The following SYBU variants were observed in gnomAD, a reference collection of about 807,000 sequenced individuals.
SYBU encodes GOLSYN A protein.
Under a neutral mutation model 35.9 loss-of-function variants are expected in SYBU, and 21 were observed. That is an observed-to-expected ratio of 0.58 (90% confidence interval 0.41 to 0.84). The LOEUF (loss-of-function observed/expected upper bound fraction) is 0.84, where lower values mean the gene tolerates loss of function less well. Among genes scored for constraint, SYBU ranks in the 40% least tolerant of loss-of-function variants. The pLI is 0.00. For synonymous variants in SYBU, 319 were observed against 324.3 expected (o/e 0.98, Z 0.18); for missense variants, 768 against 848.2 (o/e 0.91, Z 1.17).
In SYBU at chr8:109,616,028, T is replaced by G. The variant is rs1234953864; in HGVS notation, c.427+2814A>C. On this transcript the variant is annotated intron_variant, in intron 3 of 6. Transcript: ENST00000276646. ...TTTCTTTTTTTTTTTTTTTTTTTTTTTGAGACAGAGTCTCGCTCTGTCACC... is the reference window on the plus strand; with the variant it reads ...TTTCTTTTTTTTTTTTTTTTTTTTTGTGAGACAGAGTCTCGCTCTGTCACC... Among the ~76,000 whole-genome samples, 27 of 115,944 alleles carry G rather than the reference T, an allele frequency of 2.3e-4. No homozygotes were observed. The East Asian group carries it at 6.8e-3, about 29-fold the overall frequency. 76.1% of individuals were successfully genotyped at this position (115,944 alleles called of 152,430 possible).
chr8:109,639,703 T>TA (rs750444264), intron 2 of SYBU, among the ~76,000 whole-genome samples: 39 of 152,358 alleles, frequency 2.6e-4, no homozygotes, highest in Non-Finnish European at 5.0e-4. Flanking sequence ...TTCTCTGACT[T>TA]AACTGCCGTG....
intron 3 of SYBU, among the ~76,000 whole-genome samples, chr8:109,587,696 C>T (rs1366678559): frequency 1.3e-5 from 2 of 152,124 alleles, no homozygotes; most frequent in Non-Finnish European, 2.9e-5. Context: ...AAATCCTTTC[C>T]CTGGTTTCCA....
intron 1 of SYBU, among the ~76,000 whole-genome samples, chr8:109,686,754 A>G (rs879455936): frequency 6.6e-6 from 1 of 152,216 alleles, no homozygotes; most frequent in Admixed American, 6.5e-5. Context: ...TTGGGTCACC[A>G]AAGGTTCACA....
intron 1 of SYBU, among the ~76,000 whole-genome samples, chr8:109,680,023 G>A (rs1817343853): frequency 6.6e-6 from 1 of 152,190 alleles, no homozygotes; most frequent in Non-Finnish European, 1.5e-5. Context: ...GAGCAGATAT[G>A]GCACTTCAAC....
chr8:109,574,946 A>G lies in SYBU; in HGVS notation c.1952T>C (p.Leu651Pro). The G allele has an allele frequency of 6.6e-7, 1 of 1,518,060 alleles. No homozygotes were observed. Among genetic ancestry groups the G allele is most frequent in the South Asian group, 1.3e-5 (1 of 75,248 alleles). 94.0% of individuals were successfully genotyped at this position (1,518,060 alleles called of 1,614,324 possible). Residue 651 changes from leucine (L) to proline (P), a missense_variant, in exon 7 of 7, where the codon CTG becomes CCG. Physicochemically the swap from Leu to Pro is moderately conservative, Grantham distance 98 (BLOSUM62 -3). Transcript: ENST00000276646. The stretch of plus-strand genomic sequence containing the variant: ...GAAGGCGGTGCGGCGGAGCGAATGC[A>G]GGGCAACCACGCAACAGCCCCTGAG... The part of the protein sequence containing the change: ...ALLRGCCVVA[L>P]HSLRRTAFRI...
At chr8:109,640,835 AAAAGT>A (rs1814788990) in intron 2 of SYBU, among the ~76,000 whole-genome samples, 1 of 151,798 alleles carries the variant, frequency 6.6e-6, no homozygotes, top group Non-Finnish European at 1.5e-5. Flanking sequence ...AAAAAAAAAA[AAAAGT>A]AGGCAGTGCA....
intron 3 of SYBU, among the ~76,000 whole-genome samples, chr8:109,589,332 C>T (rs942274248): frequency 6.6e-6 from 1 of 152,206 alleles, no homozygotes; most frequent in African/African-American, 2.4e-5. Context: ...AAAGATGATA[C>T]TCATAGCACC....
upstream of SYBU, chr8:109,648,561 T>C (rs534934819): frequency 3.7e-4 from 57 of 152,172 alleles, no homozygotes; most frequent in African/African-American, 1.3e-3. Context: ...TTTTTATTAA[T>C]AGGAATCCCC....
Position 109,575,765 on chromosome 8 carries a change from A to T in SYBU, c.1133T>A (p.Met378Lys), listed in dbSNP as rs1822208924. ...KLESLLQSMEMAHSGSLRDEL... is the reference protein window; with the variant it reads ...KLESLLQSMEKAHSGSLRDEL... ...GTCCCTCAGAGAGCCACTGTGTGCC[A>T]TCTCCATGCTCTGAAGGAGAGACTC... Residue 378 changes from methionine (M) to lysine (K), a missense_variant, in exon 7 of 7, where the codon ATG (methionine) becomes AAG (lysine). Physicochemically the swap from Met to Lys is moderately conservative, Grantham distance 95. Coordinates refer to ENST00000276646, the MANE Select transcript of SYBU (RefSeq NM_001099754.2). 4 of 1,614,060 alleles carry T rather than the reference A, an allele frequency of 2.5e-6. No homozygotes were observed. Among genetic ancestry groups the T allele is most frequent in the Non-Finnish European group, 3.4e-6 (4 of 1,180,040 alleles).
Position 109,575,456 on chromosome 8 carries a change from C to A in SYBU, c.1442G>T (p.Ser481Ile), listed in dbSNP as rs774642862. Reference protein sequence around the residue: ...LPIVMGQEEGSVVVERAVQTD... With the variant: ...LPIVMGQEEGIVVVERAVQTD... ...CTGAACGGCTCGCTCCACCACCACA[C>A]TGCCCTCCTCCTGACCCATGACTAT... The change falls in exon 7 of 7, where the codon AGT (serine) becomes ATT (isoleucine). Residue 481 changes from serine to isoleucine, a missense_variant. Physicochemically the swap from Ser to Ile is moderately radical, Grantham distance 142 (BLOSUM62 -2). Transcript: ENST00000276646. 6.2e-7 allele frequency: 1 copy of A among 1,614,166 alleles called. No homozygotes were observed. The highest frequency in any genetic ancestry group is 8.5e-7 in the Non-Finnish European group (1 of 1,180,046).
chr8:109,578,150 A>C, intron 5 of SYBU, 133 bp from the exon 6 acceptor site: 4 of 1,002,650 alleles, frequency 4.0e-6, no homozygotes, highest in Non-Finnish European at 5.8e-6. Flanking sequence ...TTACCCCAAT[A>C]TGACGGTATT....
intron 4 of SYBU, among the ~76,000 whole-genome samples, chr8:109,583,425 T>A (rs1823260801): frequency 6.6e-6 from 1 of 152,226 alleles, no homozygotes; most frequent in Non-Finnish European, 1.5e-5. Context: ...GAAAGATAAT[T>A]CCTTAGAAAT....
intron 1 of SYBU, among the ~76,000 whole-genome samples, chr8:109,665,512 T>G (rs1290553537): frequency 1.3e-5 from 2 of 152,242 alleles, no homozygotes; most frequent in Non-Finnish European, 2.9e-5. Context: ...GTTTCTGAAA[T>G]TTATGTTTCC....
intron 3 of SYBU, among the ~76,000 whole-genome samples, chr8:109,597,546 C>T (rs1283476128): frequency 1.3e-5 from 2 of 151,422 alleles, no homozygotes; most frequent in Non-Finnish European, 2.9e-5. Flanking sequence ...GGTAAAACCC[C>T]ATCTCTGAAA....
chr8:109,681,426 T>C (rs191290092), upstream of SYBU, among the ~76,000 whole-genome samples: 1,235 of 152,326 alleles, frequency 8.1e-3, 13 homozygotes, highest in Non-Finnish European at 0.014. Flanking sequence ...TTTTAAAGTA[T>C]AGGAAAAATT....
intron 2 of SYBU, among the ~76,000 whole-genome samples, chr8:109,639,092 T>A (rs1814565526): frequency 6.6e-6 from 1 of 152,156 alleles, no homozygotes; most frequent in Non-Finnish European, 1.5e-5. Context: ...AATGGACAGA[T>A]CACTTTGGAA....
At position 109,687,894 on chromosome 8, in the gene SYBU, A is replaced by T. The variant is rs527271330; in HGVS notation, c.-58+3439T>A. 4.6e-5 allele frequency among the ~76,000 whole-genome samples: 7 copies of T among 152,304 alleles called. No individual in the cohort carries two copies. The South Asian group carries it at 1.0e-3, about 23-fold the overall frequency. On this transcript the variant is annotated intron_variant, in intron 1 of 7. Coordinates refer to the SYBU transcript ENST00000422135. Reference sequence around the variant, plus strand: ...TCCCAATAATTAAATGGACTGCTCTAACAATAGAAGTACTCATTCTAACCA... The same window carrying T: ...TCCCAATAATTAAATGGACTGCTCTTACAATAGAAGTACTCATTCTAACCA...
rs202012776 is a variant in SYBU at position 109,670,237 on chromosome 8, CT to C, written c.-129+10473del. ...AAGCAGTTTAAATTCTACTTTAAAACTTTTTTTAAATTTTTTTTTATTATTA... is the reference window on the plus strand; with the variant it reads ...AAGCAGTTTAAATTCTACTTTAAAACTTTTTTAAATTTTTTTTTATTATTA... On this transcript the variant is annotated intron_variant, in intron 1 of 5. Transcript: ENST00000408889. 4.3e-3 allele frequency among the ~76,000 whole-genome samples: 647 copies of C among 151,986 alleles called. 6 individuals carry two copies. Among genetic ancestry groups the C allele is most frequent in the African/African-American group, 0.015 (619 of 41,514 alleles).
At chr8:109,663,891 T>A (rs927638030) in intron 1 of SYBU, among the ~76,000 whole-genome samples, 1 of 152,186 alleles carries the variant, frequency 6.6e-6, no homozygotes, top group Non-Finnish European at 1.5e-5. Context: ...AACTTAAAAG[T>A]ATTGTGCAAC....
Sources: gnomAD v4.1 joint callset for allele counts (sites outside exome capture counted in the v4.1 genomes callset) on GRCh38, gnomAD v4.1.1 for gene constraint, MANE v1.5 for transcripts, NCBI Gene and HGNC (gene_info 2026-07-23, HGNC 2026-07-21) for gene names.